Variants in PARPBP observed in about 807,000 individuals in gnomAD.
PARPBP encodes PARP1 binding protein.
Under a neutral mutation model 50.0 loss-of-function variants are expected in PARPBP, and 52 were observed. The ratio of observed to expected loss-of-function variants is 1.04; its 90% CI spans 0.83 to 1.31. The LOEUF (loss-of-function observed/expected upper bound fraction) is 1.31, where lower values mean the gene tolerates loss of function less well. PARPBP is among the 50% of genes most tolerant of loss of function. PARPBP has a pLI of 0.00. For synonymous variants in PARPBP, 244 were observed against 232.1 expected, an observed-to-expected ratio of 1.05 and a Z score of -0.47; for missense variants, 697 against 672.0, an observed-to-expected ratio of 1.04 and a Z score of -0.41.
chr12:102,182,178 T>C (rs1889888071), intron 8 of PARPBP, among the ~76,000 whole-genome samples: 1 of 152,182 alleles, frequency 6.6e-6, no homozygotes, highest in South Asian at 2.1e-4. Flanking sequence ...AACAATATTC[T>C]CTCATGATTC....
At chr12:102,151,507 G>T in intron 3 of PARPBP, 1 of 1,117,360 alleles carries the variant, frequency 8.9e-7, no homozygotes, top group Non-Finnish European at 1.3e-6. Context: ...TCAGTGAATG[G>T]GGTCCTTTGG....
chr12:102,165,666 A>C, intron 5 of PARPBP, 63 bp from the exon 6 acceptor site: 1 of 1,259,024 alleles, frequency 7.9e-7, no homozygotes, highest in Non-Finnish European at 1.1e-6. Context: ...ACTTAGCTTT[A>C]TGAAGTAAAT....
Position 102,164,538 on chromosome 12 carries a change from G to A in PARPBP, c.596G>A (p.Arg199Lys). 1.2e-6 allele frequency: 2 copies of A among 1,612,656 alleles called. No homozygotes were observed. The highest frequency in any genetic ancestry group is 2.2e-5 in the East Asian group (1 of 44,838). ...AVAYILNIPD[R>K]GLGREAFTDL... Reference sequence around the variant, plus strand: ...GCTTATATTCTCAATATTCCTGATAGAGGACTAGGAAGAGAAGCCTTCACT... The same window carrying A: ...GCTTATATTCTCAATATTCCTGATAAAGGACTAGGAAGAGAAGCCTTCACT... The change falls in exon 5 of 11, where the codon AGA becomes AAA. Residue 199 changes from arginine to lysine, a missense_variant. Transcript: ENST00000327680.
At chr12:102,145,716 TG>T (rs1885250529) in intron 2 of PARPBP, among the ~76,000 whole-genome samples, 1 of 152,176 alleles carries the variant, frequency 6.6e-6, no homozygotes, top group Admixed American at 6.5e-5. Flanking sequence ...ATAGAAATTC[TG>T]TCAAAAAAGA....
At chr12:102,141,385 A>G (rs916846807) in intron 2 of PARPBP, among the ~76,000 whole-genome samples, 1 of 151,924 alleles carries the variant, frequency 6.6e-6, no homozygotes, top group Non-Finnish European at 1.5e-5. Flanking sequence ...GTGTCTCTGC[A>G]TGTGAGATGG....
At chr12:102,190,895 T>C (rs535842782) in intron 9 of PARPBP, among the ~76,000 whole-genome samples, 1 of 152,234 alleles carries the variant, frequency 6.6e-6, no homozygotes, top group African/African-American at 2.4e-5. Context: ...TTGTGTGTGT[T>C]TGGGTTTTAA....
chr12:102,126,651 G>C (rs1034663201), intron 2 of PARPBP, among the ~76,000 whole-genome samples: 6 of 152,180 alleles, frequency 3.9e-5, no homozygotes, highest in Non-Finnish European at 5.9e-5. Context: ...GCTGGGCGTA[G>C]TGGTAGGCGC....
At chr12:102,173,385 A>G (rs1002814197) in intron 6 of PARPBP, among the ~76,000 whole-genome samples, 10 of 152,190 alleles carry the variant, frequency 6.6e-5, no homozygotes, top group Non-Finnish European at 5.9e-5. Flanking sequence ...GAGATGTCCA[A>G]TTCAGTGTAG....
chr12:102,186,820 GT>G (rs1188317942), intron 9 of PARPBP, among the ~76,000 whole-genome samples: 4 of 152,244 alleles, frequency 2.6e-5, no homozygotes, highest in African/African-American at 9.6e-5. Context: ...TAACTTAAGT[GT>G]GCTAATCAGG....
intron 3 of PARPBP, chr12:102,151,535 G>C (rs1484394296): frequency 6.8e-6 from 10 of 1,479,806 alleles, no homozygotes; most frequent in Non-Finnish European, 9.1e-6. Context: ...CCTGATGCCT[G>C]CACACTTTTT....
chr12:102,135,118 G>A (rs1485547318), intron 2 of PARPBP, among the ~76,000 whole-genome samples: 1 of 152,128 alleles, frequency 6.6e-6, no homozygotes, highest in Non-Finnish European at 1.5e-5. Context: ...TTGACATAAG[G>A]CAGATCAACA....
At chr12:102,135,213 T>C (rs1474970182) in intron 2 of PARPBP, among the ~76,000 whole-genome samples, 1 of 151,754 alleles carries the variant, frequency 6.6e-6, no homozygotes, top group Admixed American at 6.6e-5. Context: ...CAAGTTAGAG[T>C]TGAACACTTA....
rs772736180 is a variant in PARPBP, at chr12:102,165,869, A to G, written c.807A>G (p.Glu269=). 6.4e-7 allele frequency: 1 copy of G among 1,553,128 alleles called. No individual in the cohort carries two copies. Among genetic ancestry groups the G allele is most frequent in the South Asian group, 1.1e-5 (1 of 87,300 alleles). Residue 269 remains glutamate, a synonymous_variant, in exon 6 of 11, where the codon GAA becomes GAG. Coordinates refer to ENST00000327680, the MANE Select transcript of PARPBP (RefSeq NM_017915.5). ...FIDKLDEILG[E]IPNPSIAGGQ... is the part of the protein sequence containing the mutation. ...ACAAATTAGATGAGATTCTTGGAGA[A>G]ATACCAAACCCAAGGTAATGACTTT...
At position 102,124,048 on chromosome 12, in the gene PARPBP, A is replaced by G; in HGVS notation, c.153+7A>G. The G allele has an allele frequency of 6.5e-7, 1 of 1,531,506 alleles. No homozygotes were observed. The highest frequency in any genetic ancestry group is 8.7e-7 in the Non-Finnish European group (1 of 1,143,462). The allele number at this position is 1,531,506 out of a possible 1,614,324, so 94.9% of individuals were successfully genotyped here. ...GGCGGAGAACAACAAACAGGTTGGT[A>G]AACTATATTTGGGTTAACTTGTTTT... On this transcript the variant is annotated splice_region_variant and intron_variant, in intron 2 of 10. Coordinates refer to ENST00000327680, the MANE Select transcript of PARPBP (RefSeq NM_017915.5).
At chr12:102,120,382 C>A (rs1284779687) in intron 1 of PARPBP, 96 bp downstream of exon 1, 4 of 448,528 alleles carry the variant, frequency 8.9e-6, no homozygotes, top group South Asian at 3.1e-5. Context: ...ATACCTCGGT[C>A]GTAGCAAAGT....
At chr12:102,195,240 G>A (rs1006144460) in intron 9 of PARPBP, 72 bp from the exon 10 acceptor site, 10 of 926,444 alleles carry the variant, frequency 1.1e-5, no homozygotes, top group Admixed American at 2.4e-5. Context: ...ACTATAGAGT[G>A]TGTGTCTATC....
chr12:102,165,083 T>C (rs1406256051), intron 5 of PARPBP, among the ~76,000 whole-genome samples: 1 of 152,192 alleles, frequency 6.6e-6, no homozygotes, highest in East Asian at 1.9e-4. Flanking sequence ...TCCCCTAAAT[T>C]ATCGACATTT....
chr12:102,126,762 C>T (rs941164076), intron 2 of PARPBP, among the ~76,000 whole-genome samples: 5 of 152,094 alleles, frequency 3.3e-5, no homozygotes, highest in Admixed American at 6.6e-5. Flanking sequence ...GCCGACAGAG[C>T]GAGACTCTAC....
intron 7 of PARPBP, among the ~76,000 whole-genome samples, chr12:102,176,914 G>C (rs567355524): frequency 6.2e-4 from 94 of 152,256 alleles, no homozygotes; most frequent in Non-Finnish European, 1.3e-3. Flanking sequence ...TGACAACCAG[G>C]TTATTACTAT....
Sources: allele counts gnomAD v4.1 joint callset (sites outside exome capture counted in the v4.1 genomes callset), GRCh38; gene constraint gnomAD v4.1.1; transcripts MANE v1.5; gene names NCBI Gene and HGNC (gene_info 2026-07-23, HGNC 2026-07-21).